The following CSMD2 variants were observed in gnomAD, a reference collection of about 807,000 sequenced individuals.
CSMD2 encodes the protein CUB and Sushi multiple domains 2, also known as CUB and sushi domain-containing protein 2.
CSMD2 carries 130 observed loss-of-function variants against 398.5 expected under a neutral mutation model. The ratio of observed to expected loss-of-function variants is 0.33; its 90% CI spans 0.28 to 0.38. The LOEUF is 0.38. CSMD2 is among the 10% of genes least tolerant of loss of function. The pLI is 1.00. For synonymous variants in CSMD2, 1,828 were observed against 1,908.5 expected, an observed-to-expected ratio of 0.96 and a Z score of 1.10; for missense variants, 3,829 against 4,764.9, an observed-to-expected ratio of 0.80 and a Z score of 5.78.
chr1:34,076,928 AATATATATAT>A (rs1177320523), intron 2 of CSMD2, among the ~76,000 whole-genome samples: 64 of 53,582 alleles, frequency 1.2e-3, no homozygotes, highest in African/African-American at 1.7e-3. Context: ...AAAAAAAAAA[AATATATATAT>A]ATATATATAT....
At chr1:33,531,861 C>T (rs112513561) in intron 64 of CSMD2, among the ~76,000 whole-genome samples, 1,886 of 152,022 alleles carry the variant, frequency 0.012, 24 homozygotes, top group African/African-American at 0.025. Flanking sequence ...AGTTTCTGTT[C>T]GAGATAATGA....
intron 21 of CSMD2, among the ~76,000 whole-genome samples, chr1:33,713,113 T>C (rs1290483555): frequency 6.6e-6 from 1 of 152,232 alleles, no homozygotes; most frequent in Non-Finnish European, 1.5e-5. Context: ...GATGCTGTTA[T>C]CTCTGTTTTA....
At chr1:33,921,900 C>T (rs371079196) in intron 4 of CSMD2, among the ~76,000 whole-genome samples, 1 of 152,068 alleles carries the variant, frequency 6.6e-6, no homozygotes, top group Admixed American at 6.5e-5. Context: ...AGATCAGAGA[C>T]AGAGAATGGA....
chr1:33,519,399 C>A lies in CSMD2; in HGVS notation c.*53+66G>T. ...TGTGTGCGACTCCGTTGGGTGGAGCCCCTGGCACGCATAGGTCCCTGTCTG... is the reference window on the plus strand; with the variant it reads ...TGTGTGCGACTCCGTTGGGTGGAGCACCTGGCACGCATAGGTCCCTGTCTG... On this transcript the variant is annotated intron_variant, in intron 70 of 70. Coordinates refer to ENST00000373381, the MANE Select transcript of CSMD2 (RefSeq NM_001281956.2). The surrounding 1 kb of genome is among the most constrained non-coding windows in gnomAD (Gnocchi z 5.6). 1 of 989,162 alleles carries A rather than the reference C, an allele frequency of 1.0e-6. No homozygotes were observed. Among genetic ancestry groups the A allele is most frequent in the Admixed American group, 2.1e-5 (1 of 48,554 alleles). The allele number at this position is 989,162 out of a possible 1,614,324, so 61.3% of individuals were successfully genotyped here. A position where few individuals can be genotyped will look rare whatever the true frequency, so the allele number is the denominator to read the frequency against.
At chr1:33,786,223 G>A (rs1236912573) in intron 12 of CSMD2, among the ~76,000 whole-genome samples, 3 of 152,032 alleles carry the variant, frequency 2.0e-5, no homozygotes, top group Admixed American at 6.6e-5. Context: ...TCAAGTTCAC[G>A]CTATTTACTT....
chr1:33,561,888 T>C (rs1341296077), intron 53 of CSMD2, among the ~76,000 whole-genome samples: 3 of 152,136 alleles, frequency 2.0e-5, no homozygotes, highest in African/African-American at 7.2e-5. Context: ...GGTCCATTAC[T>C]TTCACCGGAT....
intron 13 of CSMD2, among the ~76,000 whole-genome samples, chr1:33,762,415 A>C (rs941504566): frequency 1.3e-5 from 2 of 152,228 alleles, no homozygotes; most frequent in African/African-American, 4.8e-5. Flanking sequence ...AATGACAGAG[A>C]TACCTCATTC....
chr1:33,705,071 G>T (rs1479265944), intron 22 of CSMD2, among the ~76,000 whole-genome samples: 1 of 151,762 alleles, frequency 6.6e-6, no homozygotes, highest in Admixed American at 6.6e-5. Flanking sequence ...AAGTGAGACT[G>T]CCCTAATAGT....
At chr1:34,141,047 G>A (rs542334966) in intron 1 of CSMD2, among the ~76,000 whole-genome samples, 2 of 152,064 alleles carry the variant, frequency 1.3e-5, no homozygotes, top group South Asian at 4.2e-4. Context: ...AGGTTTGGAG[G>A]CTCTTCCTGG....
chr1:34,141,341 T>C (rs532415836), intron 1 of CSMD2, among the ~76,000 whole-genome samples: 1 of 152,222 alleles, frequency 6.6e-6, no homozygotes, highest in African/African-American at 2.4e-5. Flanking sequence ...CTTGATCTCA[T>C]GGGATTTGCT....
At chr1:33,676,138 G>C (rs980303382) in intron 25 of CSMD2, among the ~76,000 whole-genome samples, 9 of 152,188 alleles carry the variant, frequency 5.9e-5, no homozygotes, top group African/African-American at 2.2e-4. Context: ...GAAATAAAGG[G>C]TATTCAATTA....
chr1:33,551,121 A>T (rs1465079605), intron 55 of CSMD2, among the ~76,000 whole-genome samples: 2 of 152,196 alleles, frequency 1.3e-5, no homozygotes, highest in East Asian at 3.8e-4. Context: ...AAAATTTTGG[A>T]GAAGAGTATT....
At chr1:33,709,411 A>G (rs1369792765) in intron 21 of CSMD2, 153 bp from the exon 22 acceptor site, 1 of 600,576 alleles carries the variant, frequency 1.7e-6, no homozygotes, top group Non-Finnish European at 2.9e-6. Flanking sequence ...TGGACTGTCT[A>G]CAGAAATGCC....
chr1:33,846,819 T>G, intron 6 of CSMD2, 65 bp downstream of exon 6: 1 of 1,016,526 alleles, frequency 9.8e-7, no homozygotes, highest in East Asian at 2.8e-5. Context: ...GGAGAGGTGA[T>G]GAGCCCTCCA....
chr1:34,080,336 G>T (rs1285037125), intron 2 of CSMD2, among the ~76,000 whole-genome samples: 2 of 151,956 alleles, frequency 1.3e-5, no homozygotes, highest in African/African-American at 4.8e-5. Context: ...GCAATATATT[G>T]CCTATCCGCA....
intron 5 of CSMD2, among the ~76,000 whole-genome samples, chr1:33,915,794 A>C (rs1458107625): frequency 6.6e-6 from 1 of 152,234 alleles, no homozygotes; most frequent in Non-Finnish European, 1.5e-5. Flanking sequence ...CAGTCTTACA[A>C]GGGAATGCTA....
At position 34,074,731 on chromosome 1, in the gene CSMD2, C is replaced by T. The variant is rs182865012; in HGVS notation, c.404+14246G>A. ...GATGGGCATAAATGAAGAAGACACACACACACACACACACGCGTGTGTAAA... is the reference window on the plus strand; with the variant it reads ...GATGGGCATAAATGAAGAAGACACATACACACACACACACGCGTGTGTAAA... On this transcript the variant is annotated intron_variant, in intron 2 of 70. Coordinates refer to ENST00000373381, the MANE Select transcript of CSMD2 (RefSeq NM_001281956.2). Among the ~76,000 whole-genome samples, 15 of 152,204 alleles carry T rather than the reference C, an allele frequency of 9.9e-5. No individual in the cohort carries two copies. In the East Asian group the frequency reaches 2.7e-3, roughly 27 times the overall value.
At chr1:34,040,739 A>G (rs1385153286) in intron 2 of CSMD2, among the ~76,000 whole-genome samples, 3 of 152,322 alleles carry the variant, frequency 2.0e-5, no homozygotes, top group East Asian at 3.9e-4. Flanking sequence ...AAATGAGGCG[A>G]GATATAAGGA....
chr1:33,546,158 G>C lies in CSMD2; in HGVS notation c.8979C>G (p.Asp2993Glu). The change falls in exon 57 of 71, where the codon GAC (aspartate) becomes GAG (glutamate). Residue 2993 changes from aspartate (D) to glutamate (E), a missense_variant. Asp to Glu is a conservative substitution (Grantham distance 45). Coordinates refer to ENST00000373381, the MANE Select transcript of CSMD2 (RefSeq NM_001281956.2). ...GCATCACAGTGCCTGGATCAAAGCT[G>C]TCCCCCAAACGGATGCCATGAGCCG... ...GIPAHGIRLG[D>E]SFDPGTVMRF... The C allele has an allele frequency of 1.2e-6, 2 of 1,614,220 alleles. No homozygotes were observed. The highest frequency in any genetic ancestry group is 1.7e-6 in the Non-Finnish European group (2 of 1,180,026).
Sources: allele counts gnomAD v4.1 joint callset (sites outside exome capture counted in the v4.1 genomes callset), GRCh38; gene constraint gnomAD v4.1.1; non-coding constraint Gnocchi (gnomAD v3.1); transcripts MANE v1.5; gene names NCBI Gene and HGNC (gene_info 2026-07-23, HGNC 2026-07-21).